EVI5: variants seen among roughly 807,000 people sequenced by gnomAD.
The protein encoded by EVI5 is ecotropic viral integration site 5.
In EVI5, 73 loss-of-function variants were observed where a neutral mutation model predicts 112.0. That is an observed-to-expected ratio of 0.65 (90% CI 0.54 to 0.79). The LOEUF is 0.79. EVI5 is among the 30% of genes least tolerant of loss of function. The pLI, the probability that EVI5 is intolerant of heterozygous loss-of-function variation, is 0.00. For synonymous variants in EVI5, 305 were observed against 319.9 expected (o/e 0.95, Z 0.50); for missense variants, 900 against 968.8 (o/e 0.93, Z 0.94).
At chr1:92,625,719 T>C (rs892243885) in intron 15 of EVI5, 75 bp downstream of exon 15, 1 of 1,286,156 alleles carries the variant, frequency 7.8e-7, no homozygotes, top group Non-Finnish European at 1.1e-6. Context: ...GGTCATCAGG[T>C]ACTTCAAACT....
At chr1:92,766,751 C>T (rs902809291) in intron 1 of EVI5, among the ~76,000 whole-genome samples, 2 of 152,134 alleles carry the variant, frequency 1.3e-5, no homozygotes, top group African/African-American at 4.8e-5. Context: ...CAAGCTGGTC[C>T]AAAAATATTA....
chr1:92,567,209 A>G (rs1669637823), intron 18 of EVI5, among the ~76,000 whole-genome samples: 1 of 152,222 alleles, frequency 6.6e-6, no homozygotes, highest in African/African-American at 2.4e-5. Flanking sequence ...CAGCCATACA[A>G]TATATTTAAA....
chr1:92,637,462 C>T (rs1404551720), intron 13 of EVI5, among the ~76,000 whole-genome samples: 2 of 151,872 alleles, frequency 1.3e-5, no homozygotes, highest in African/African-American at 2.4e-5. Context: ...AAATTAACCA[C>T]GGAAGCACGC....
intron 13 of EVI5, among the ~76,000 whole-genome samples, chr1:92,662,395 C>T (rs1372808572): frequency 6.6e-6 from 1 of 152,074 alleles, no homozygotes; most frequent in Non-Finnish European, 1.5e-5. Flanking sequence ...AAAATGATAC[C>T]TATTATGAAA....
chr1:92,778,850 A>G (rs1570934827), intron 1 of EVI5, among the ~76,000 whole-genome samples: 2 of 152,228 alleles, frequency 1.3e-5, no homozygotes, highest in African/African-American at 4.8e-5. Flanking sequence ...TATCGGTTAC[A>G]TGGTAAAAAT....
intron 18 of EVI5, among the ~76,000 whole-genome samples, chr1:92,582,806 T>C (rs941965607): frequency 2.8e-5 from 2 of 70,786 alleles, no homozygotes; most frequent in African/African-American, 1.6e-4. Flanking sequence ...TAAATATACA[T>C]AAAATATTAT....
intron 14 of EVI5, among the ~76,000 whole-genome samples, chr1:92,635,445 A>G (rs1658577132): frequency 6.6e-6 from 1 of 152,138 alleles, no homozygotes; most frequent in South Asian, 2.1e-4. Flanking sequence ...GCTAGTAATG[A>G]GTGAGGCTCT....
chr1:92,599,185 T>C (rs1648585402), intron 18 of EVI5, among the ~76,000 whole-genome samples: 1 of 151,944 alleles, frequency 6.6e-6, no homozygotes, highest in Non-Finnish European at 1.5e-5. Context: ...TTTACAAAAG[T>C]ATAATTTTCA....
rs572830635 is a variant in EVI5, at chr1:92,655,020, G to T, written c.1392+7699C>A. On this transcript the variant is annotated intron_variant, in intron 13 of 19. Coordinates refer to ENST00000684568, the MANE Select transcript of EVI5 (RefSeq NM_001350197.2). The stretch of plus-strand genomic sequence containing the variant: ...CCTACAAGTCATAGGTATTCCTGAG[G>T]GAGATGAAAAAGCAAAAAGTTTGGA... Among the ~76,000 whole-genome samples, 7 of 152,160 alleles carry T rather than the reference G, an allele frequency of 4.6e-5. No individual in the cohort carries two copies. In the South Asian group the frequency reaches 1.5e-3, roughly 32 times the overall value.
intron 19 of EVI5, among the ~76,000 whole-genome samples, chr1:92,534,835 G>A (rs1483529347): frequency 6.6e-6 from 1 of 152,132 alleles, no homozygotes; most frequent in African/African-American, 2.4e-5. Context: ...AGAAAACCTA[G>A]GCAATACCAT....
chr1:92,660,429 T>C (rs1663782431), intron 13 of EVI5, among the ~76,000 whole-genome samples: 1 of 151,862 alleles, frequency 6.6e-6, no homozygotes, highest in South Asian at 2.1e-4. Context: ...GGGAGGGAAT[T>C]GGGAACATGG....
At chr1:92,665,809 G>A in intron 11 of EVI5, 130 bp downstream of exon 11, 2 of 555,748 alleles carry the variant, frequency 3.6e-6, no homozygotes, top group Non-Finnish European at 6.3e-6. Context: ...TAAATAGTAA[G>A]GTAAGCAAGC....
At chr1:92,607,081 T>C (rs921916771) in intron 17 of EVI5, among the ~76,000 whole-genome samples, 1 of 152,154 alleles carries the variant, frequency 6.6e-6, no homozygotes, top group African/African-American at 2.4e-5. Flanking sequence ...GTAAAGTATA[T>C]AACTGATTAA....
intron 2 of EVI5, among the ~76,000 whole-genome samples, chr1:92,708,757 A>C (rs772866648): frequency 2.2e-4 from 33 of 152,316 alleles, no homozygotes; most frequent in South Asian, 4.1e-4. Flanking sequence ...TGGTATACCC[A>C]AACAATGGAA....
At chr1:92,630,331 T>C (rs1409747436) in intron 14 of EVI5, among the ~76,000 whole-genome samples, 3 of 152,196 alleles carry the variant, frequency 2.0e-5, no homozygotes, top group Middle Eastern at 3.2e-3. Context: ...CAGGACCTGT[T>C]GTTTCCTGAC....
intron 13 of EVI5, among the ~76,000 whole-genome samples, chr1:92,641,867 C>T (rs1660042493): frequency 2.0e-5 from 3 of 152,102 alleles, no homozygotes; most frequent in Admixed American, 6.5e-5. Context: ...CGGTGGTGCA[C>T]GGTGGCTCAC....
intron 1 of EVI5, chr1:92,756,894 C>A (rs1681042018): frequency 2.5e-6 from 1 of 402,256 alleles, no homozygotes; most frequent in Admixed American, 2.9e-5. Context: ...CTGAATGTTT[C>A]TTATAACCAG....
chr1:92,749,367 T>G (rs1679836417), intron 1 of EVI5: 1 of 180,498 alleles, frequency 5.5e-6, no homozygotes, highest in Non-Finnish European at 1.1e-5. Context: ...AGGCAACCAT[T>G]CTACAATATG....
chr1:92,556,050 CT>C (rs1227950803), intron 19 of EVI5, among the ~76,000 whole-genome samples: 1 of 150,704 alleles, frequency 6.6e-6, no homozygotes, highest in African/African-American at 2.4e-5. Flanking sequence ...TTATTAACCA[CT>C]TTTTTCTTTC....
Sources: allele counts gnomAD v4.1 joint callset (sites outside exome capture counted in the v4.1 genomes callset), GRCh38; gene constraint gnomAD v4.1.1; transcripts MANE v1.5; gene names NCBI Gene and HGNC (gene_info 2026-07-23, HGNC 2026-07-21).